Variants in LRRFIP2 observed in about 807,000 individuals in gnomAD.
LRRFIP2 encodes LRR binding FLII interacting protein 2.
LRRFIP2 carries 109 observed loss-of-function variants against 125.9 expected under a neutral mutation model. That is an observed-to-expected ratio of 0.87 (90% CI 0.74 to 1.01). The LOEUF is 1.01. Among genes scored for constraint, LRRFIP2 ranks in the 50% least tolerant of loss-of-function variants. The probability of loss-of-function intolerance (pLI) is 0.00; values close to 1 mark genes in which losing one functional copy is unlikely to be tolerated. For missense variants in LRRFIP2, 850 were observed against 862.3 expected (o/e 0.99, Z 0.18); for synonymous variants, 291 against 293.1 (o/e 0.99, Z 0.07).
Position 37,143,517 on chromosome 3 carries a change from T to C in LRRFIP2, c.90+5377A>G, listed in dbSNP as rs148188799. 1,276 of 251,532 alleles carry C rather than the reference T, an allele frequency of 5.1e-3. 19 individuals carry two copies. The highest frequency in any genetic ancestry group is 0.01 in the East Asian group (98 of 9,438). 15.6% of individuals were successfully genotyped at this position (251,532 alleles called of 1,614,324 possible). A position where few individuals can be genotyped will look rare whatever the true frequency, so the allele number is the denominator to read the frequency against. On this transcript the variant is annotated intron_variant, in intron 2 of 27. Coordinates refer to ENST00000336686, the MANE Select transcript of LRRFIP2 (RefSeq NM_006309.4). ...TTTATCATCTGGCATTAACACTTGA[T>C]GTAGTCATCGACTTTATTCAAGAAG... is the stretch of plus-strand genomic sequence containing the variant.
At chr3:37,085,278 G>A (rs1576323444) in intron 18 of LRRFIP2, among the ~76,000 whole-genome samples, 1 of 152,144 alleles carries the variant, frequency 6.6e-6, no homozygotes, top group East Asian at 1.9e-4. Context: ...GGGAGGCTGA[G>A]GCAGGTGGAT....
At chr3:37,054,868 C>T (rs577723103) in intron 26 of LRRFIP2, among the ~76,000 whole-genome samples, 1 of 136,580 alleles carries the variant, frequency 7.3e-6, no homozygotes, top group Non-Finnish European at 1.7e-5. Context: ...TTGAATTCTC[C>T]TGAAATATCT....
At chr3:37,056,678 C>T (rs1394810982) in intron 25 of LRRFIP2, among the ~76,000 whole-genome samples, 3 of 150,190 alleles carry the variant, frequency 2.0e-5, no homozygotes, top group East Asian at 2.0e-4. Flanking sequence ...TGGTCTCGAT[C>T]TCCTGACCTC....
intron 19 of LRRFIP2, among the ~76,000 whole-genome samples, chr3:37,082,392 T>C (rs2092716912): frequency 6.6e-6 from 1 of 152,164 alleles, no homozygotes; most frequent in African/African-American, 2.4e-5. Context: ...AGATTCACAG[T>C]AAAATTATGT....
chr3:37,091,438 T>C (rs753991646), intron 18 of LRRFIP2, 29 bp downstream of exon 18: 2 of 1,584,612 alleles, frequency 1.3e-6, no homozygotes, highest in African/African-American at 1.4e-5. Context: ...ATACAGAGCA[T>C]GCTTGGGCTG....
At chr3:37,056,646 G>C (rs1271697738) in intron 25 of LRRFIP2, among the ~76,000 whole-genome samples, 1 of 151,832 alleles carries the variant, frequency 6.6e-6, no homozygotes, top group Non-Finnish European at 1.5e-5. Flanking sequence ...GTAGAGACGG[G>C]GTTTCACCAT....
intron 26 of LRRFIP2, 51 bp from the exon 27 acceptor site, chr3:37,054,566 CT>C (rs2086259487): frequency 5.0e-6 from 6 of 1,210,016 alleles, no homozygotes; most frequent in Admixed American, 2.1e-5. Context: ...GAAGTCACCA[CT>C]TTTTGGTAGC....
intron 15 of LRRFIP2, among the ~76,000 whole-genome samples, chr3:37,102,322 G>A (rs2094106233): frequency 1.3e-5 from 2 of 151,968 alleles, no homozygotes; most frequent in African/African-American, 4.8e-5. Context: ...AGGGAAGGGG[G>A]AAGAAATCAA....
chr3:37,166,066 G>A (rs775745221), intron 1 of LRRFIP2, among the ~76,000 whole-genome samples: 36 of 152,148 alleles, frequency 2.4e-4, no homozygotes, highest in Non-Finnish European at 3.5e-4. Flanking sequence ...GGCAGGGCGC[G>A]GTGGCTCACA....
chr3:37,076,682 C>T (rs1183198062), intron 19 of LRRFIP2, among the ~76,000 whole-genome samples: 1 of 152,088 alleles, frequency 6.6e-6, no homozygotes, highest in Admixed American at 6.6e-5. Context: ...GCCTGACCAA[C>T]ATAGAGAAAC....
chr3:37,136,548 A>T (rs1427020179), intron 2 of LRRFIP2, among the ~76,000 whole-genome samples: 1 of 152,192 alleles, frequency 6.6e-6, no homozygotes, highest in Non-Finnish European at 1.5e-5. Flanking sequence ...AACTTAATAT[A>T]TAAAATGGGA....
At chr3:37,072,711 G>A (rs1427371462) in intron 21 of LRRFIP2, 79 bp downstream of exon 21, 12 of 842,596 alleles carry the variant, frequency 1.4e-5, no homozygotes. Flanking sequence ...AAAAGGACAG[G>A]TTTTTTCAAT....
At chr3:37,103,327 G>A (rs1330597959) in intron 14 of LRRFIP2, among the ~76,000 whole-genome samples, 2 of 151,980 alleles carry the variant, frequency 1.3e-5, no homozygotes, top group Non-Finnish European at 2.9e-5. Context: ...CTGAACAGAG[G>A]CATTTCTAGG....
At chr3:37,127,819 A>C in intron 3 of LRRFIP2, 139 bp from the exon 4 acceptor site, 1 of 673,590 alleles carries the variant, frequency 1.5e-6, no homozygotes, top group Non-Finnish European at 2.6e-6. Flanking sequence ...ACAGAAAATT[A>C]GTAAGCTAAA....
intron 16 of LRRFIP2, among the ~76,000 whole-genome samples, chr3:37,095,721 C>T (rs2093683566): frequency 6.6e-6 from 1 of 152,172 alleles, no homozygotes; most frequent in Non-Finnish European, 1.5e-5. Context: ...GCAACCTCTA[C>T]CTCCTGGGTT....
At chr3:37,110,414 A>T (rs2094507285) in intron 9 of LRRFIP2, among the ~76,000 whole-genome samples, 1 of 152,216 alleles carries the variant, frequency 6.6e-6, no homozygotes, top group Non-Finnish European at 1.5e-5. Context: ...CAGGTTTTTT[A>T]AACAAAATTA....
At chr3:37,084,711 A>G (rs1339993652) in intron 18 of LRRFIP2, among the ~76,000 whole-genome samples, 1 of 152,006 alleles carries the variant, frequency 6.6e-6, no homozygotes, top group Admixed American at 6.6e-5. Flanking sequence ...CTAGTGTCAC[A>G]GTTTTGAAGT....
intron 1 of LRRFIP2, among the ~76,000 whole-genome samples, chr3:37,161,661 T>TA (rs2096348814): frequency 2.6e-5 from 4 of 151,870 alleles, no homozygotes; most frequent in South Asian, 4.2e-4. Context: ...GTGACTACAC[T>TA]AAAAAACCAC....
At chr3:37,082,323 G>A (rs1234257511) in intron 19 of LRRFIP2, among the ~76,000 whole-genome samples, 1 of 152,134 alleles carries the variant, frequency 6.6e-6, no homozygotes, top group Non-Finnish European at 1.5e-5. Context: ...AAAACAACTA[G>A]AAGCCTCTTT....
Sources: gnomAD v4.1 joint callset for allele counts (sites outside exome capture counted in the v4.1 genomes callset) on GRCh38, gnomAD v4.1.1 for gene constraint, MANE v1.5 for transcripts, NCBI Gene and HGNC (gene_info 2026-07-23, HGNC 2026-07-21) for gene names.